ATP9B: variants seen among roughly 807,000 people sequenced by gnomAD.
ATP9B encodes probable phospholipid-transporting ATPase IIB.
In ATP9B, 110 loss-of-function variants were observed where a neutral mutation model predicts 146.1. The observed-to-expected ratio is 0.75, with a 90% CI of 0.65 to 0.88. ATP9B has a LOEUF of 0.88. ATP9B is among the 40% of genes least tolerant of loss of function. The probability of loss-of-function intolerance (pLI) is 0.00; values close to 1 mark genes in which losing one functional copy is unlikely to be tolerated. For missense variants in ATP9B, 1,499 were observed against 1,496.4 expected, an observed-to-expected ratio of 1.00 and a Z score of -0.03; for synonymous variants, 604 against 569.7, an observed-to-expected ratio of 1.06 and a Z score of -0.86.
intron 7 of ATP9B, among the ~76,000 whole-genome samples, chr18:79,155,922 C>T (rs996406347): frequency 2.0e-5 from 3 of 151,784 alleles, no homozygotes; most frequent in African/African-American, 7.3e-5. Flanking sequence ...ACCACCATGC[C>T]CGGCTAATTT....
rs1383384545 is a variant in ATP9B at position 79,277,100 on chromosome 18, A to G, written c.1315A>G (p.Met439Val). The stretch of plus-strand genomic sequence containing the variant: ...GGGCAAAGCGGTGTATGGATGGATG[A>G]TGATGAAAGATGAGAACATCCCTGG... ...DMGKAVYGWMMMKDENIPGTV... is the reference protein window; with the variant it reads ...DMGKAVYGWMVMKDENIPGTV... The change falls in exon 13 of 30, where the codon ATG becomes GTG. Residue 439 changes from methionine to valine, a missense_variant. Coordinates refer to ENST00000426216, the MANE Select transcript of ATP9B (RefSeq NM_198531.5). The G allele has an allele frequency of 1.9e-6, 3 of 1,614,082 alleles. No homozygotes were observed. The highest frequency in any genetic ancestry group is 2.7e-5 in the African/African-American group (2 of 74,916).
At chr18:79,231,458 C>T (rs1294344148) in intron 11 of ATP9B, among the ~76,000 whole-genome samples, 2 of 152,154 alleles carry the variant, frequency 1.3e-5, no homozygotes, top group Non-Finnish European at 2.9e-5. Flanking sequence ...CCATCTTACT[C>T]CTGCAAGAAT....
At chr18:79,348,519 C>T (rs1173064851) in intron 25 of ATP9B, among the ~76,000 whole-genome samples, 1 of 152,186 alleles carries the variant, frequency 6.6e-6, no homozygotes, top group Non-Finnish European at 1.5e-5. Context: ...ACAGGCCCTC[C>T]CGGCTCTCTG....
chr18:79,136,416 A>G (rs914618657), intron 5 of ATP9B, among the ~76,000 whole-genome samples: 7 of 152,138 alleles, frequency 4.6e-5, no homozygotes, highest in Non-Finnish European at 1.0e-4. Context: ...CGATTTGATT[A>G]TGATGTGCCT....
chr18:79,360,326 G>A (rs1411205044), intron 26 of ATP9B: 1 of 152,162 alleles, frequency 6.6e-6, no homozygotes, highest in Non-Finnish European at 1.5e-5. Context: ...TATCAACTCA[G>A]ATTTTTAAAG....
At chr18:79,363,487 T>C (rs2097003812) in intron 26 of ATP9B, 1 of 152,254 alleles carries the variant, frequency 6.6e-6, no homozygotes, top group Admixed American at 6.5e-5. Context: ...CAGATGTTCA[T>C]GGATTGAGAG....
chr18:79,339,699 A>G (rs1414530419), intron 19 of ATP9B, among the ~76,000 whole-genome samples: 2 of 145,980 alleles, frequency 1.4e-5, no homozygotes, highest in Admixed American at 6.8e-5. Flanking sequence ...TAGGAAGTGT[A>G]TCATGATTGC....
intron 5 of ATP9B, among the ~76,000 whole-genome samples, chr18:79,132,196 G>A (rs906821015): frequency 1.3e-5 from 2 of 152,136 alleles, no homozygotes; most frequent in East Asian, 1.9e-4. Context: ...TGAACTTCAG[G>A]TACTTTAAAA....
intron 5 of ATP9B, among the ~76,000 whole-genome samples, chr18:79,141,720 A>T (rs1346678458): frequency 6.6e-6 from 1 of 152,152 alleles, no homozygotes; most frequent in Non-Finnish European, 1.5e-5. Context: ...TAAAATTGGG[A>T]GATTTTTCTG....
At chr18:79,267,964 CT>C (rs538521650) in intron 12 of ATP9B, among the ~76,000 whole-genome samples, 1 of 151,942 alleles carries the variant, frequency 6.6e-6, no homozygotes, top group Non-Finnish European at 1.5e-5. Context: ...ATTATTGTGA[CT>C]TTGTCTATTT....
intron 10 of ATP9B, among the ~76,000 whole-genome samples, chr18:79,213,022 G>A (rs901976970): frequency 1.1e-4 from 16 of 152,086 alleles, no homozygotes; most frequent in Non-Finnish European, 1.3e-4. Flanking sequence ...ACGAAAAGCC[G>A]GGAGTTCATA....
intron 11 of ATP9B, among the ~76,000 whole-genome samples, chr18:79,245,265 C>CT (rs1260398184): frequency 2.0e-5 from 3 of 152,188 alleles, no homozygotes; most frequent in African/African-American, 7.2e-5. Context: ...CCCAAATAAA[C>CT]TGTGTATTAG....
chr18:79,186,792 C>G (rs1051133508), intron 8 of ATP9B, among the ~76,000 whole-genome samples: 3 of 152,238 alleles, frequency 2.0e-5, no homozygotes, highest in African/African-American at 4.8e-5. Context: ...TCAGTCCACC[C>G]TTCCTGCAGC....
At chr18:79,159,161 G>C (rs1044157727) in intron 7 of ATP9B, among the ~76,000 whole-genome samples, 8 of 152,112 alleles carry the variant, frequency 5.3e-5, no homozygotes, top group Non-Finnish European at 1.0e-4. Context: ...GTGTCTTGTA[G>C]ACAGCATGTA....
intron 29 of ATP9B, chr18:79,376,310 T>C: frequency 1.0e-6 from 1 of 985,310 alleles, no homozygotes; most frequent in Non-Finnish European, 1.2e-6. Flanking sequence ...CAACTAGTAC[T>C]TCAGTGCCTT....
intron 19 of ATP9B, among the ~76,000 whole-genome samples, chr18:79,339,288 G>A (rs75080093): frequency 0.042 from 165 of 3,886 alleles, no homozygotes; most frequent in Middle Eastern, 0.25. Context: ...TGTCATGATC[G>A]TAGTAGGAAG....
intron 13 of ATP9B, among the ~76,000 whole-genome samples, chr18:79,280,453 T>C (rs2096364484): frequency 1.3e-5 from 2 of 152,178 alleles, no homozygotes; most frequent in Non-Finnish European, 2.9e-5. Context: ...GGTCACTACA[T>C]AAAAGGTTCA....
In ATP9B at chr18:79,245,971, CTGCGGAGGGCACCGCCCTACTGTCTG is replaced by C. The variant is rs1568484608; in HGVS notation, c.1108-7387_1108-7362del. Among the ~76,000 whole-genome samples the C allele has an allele frequency of 8.8e-4, 90 of 102,452 alleles. 3 individuals are homozygous for C. The highest frequency in any genetic ancestry group is 3.0e-3 in the African/African-American group (70 of 23,074). The allele number at this position is 102,452 out of a possible 152,430, so 67.2% of individuals were successfully genotyped here. Reference sequence around the variant, plus strand: ...TGCGCGGAGGGCACCACCCTACTGACTGCGGAGGGCACCGCCCTACTGTCTGTGCGGAGGGCACCGCCCTACTGACT... The same window carrying C: ...TGCGCGGAGGGCACCACCCTACTGACTGCGGAGGGCACCGCCCTACTGACT... On this transcript the variant is annotated intron_variant, in intron 11 of 29. Transcript: ENST00000426216.
intron 1 of ATP9B, among the ~76,000 whole-genome samples, chr18:79,073,665 G>A (rs996420032): frequency 2.0e-5 from 3 of 152,110 alleles, no homozygotes; most frequent in African/African-American, 7.2e-5. Flanking sequence ...AGCGGGAGAC[G>A]GAGACGACGG....
Sources: gnomAD v4.1 joint callset for allele counts (sites outside exome capture counted in the v4.1 genomes callset) on GRCh38, gnomAD v4.1.1 for gene constraint, MANE v1.5 for transcripts, NCBI Gene and HGNC (gene_info 2026-07-23, HGNC 2026-07-21) for gene names.